ADGRE5: variants seen among roughly 807,000 people sequenced by gnomAD.
ADGRE5 encodes adhesion G protein-coupled receptor E5.
A neutral mutation model predicts 100.3 loss-of-function variants in ADGRE5; 72 were observed. That is an observed-to-expected ratio of 0.72 (90% CI 0.59 to 0.87). The LOEUF (loss-of-function observed/expected upper bound fraction) is 0.87, where lower values mean the gene tolerates loss of function less well. Among genes scored for constraint, ADGRE5 ranks in the 40% least tolerant of loss-of-function variants. ADGRE5 has a pLI of 0.00. For synonymous variants in ADGRE5, 439 were observed against 447.8 expected, an observed-to-expected ratio of 0.98 and a Z score of 0.25; for missense variants, 959 against 1,094.7, an observed-to-expected ratio of 0.88 and a Z score of 1.75.
At position 14,406,503 on chromosome 19, in the gene ADGRE5, T is replaced by C; in HGVS notation, c.1994T>C (p.Leu665Pro). The C allele has an allele frequency of 6.4e-7, 1 of 1,566,576 alleles. No individual in the cohort carries two copies. The highest frequency in any genetic ancestry group is 8.7e-7 in the Non-Finnish European group (1 of 1,155,842). ...CTGATCGGCTATGGCGTGCCCCTGC[T>C]CATCGTGGGCGTCTCGGCTGCCATC... ...LCLIGYGVPLLIVGVSAAIYS... is the reference protein window; with the variant it reads ...LCLIGYGVPLPIVGVSAAIYS... Residue 665 changes from leucine to proline, a missense_variant, in exon 15 of 20, where the codon CTC becomes CCC. By Grantham distance (98) the Leu-to-Pro change is moderately conservative. Transcript: ENST00000242786. The surrounding 1 kb of genome is among the most constrained non-coding windows in gnomAD (Gnocchi z 6.0).
In ADGRE5 at chr19:14,408,663, T is replaced by G; in HGVS notation, c.*542T>G. On this transcript the variant is annotated 3_prime_UTR_variant, in exon 20 of 20. Transcript: ENST00000242786. ...TGAAGGTTGTAGACGTTGTGTAATG[T>G]GTTTTTATCTGTTAAAATTTTTCAG... is the stretch of plus-strand genomic sequence containing the variant. 1 of 515,360 alleles carries G rather than the reference T, an allele frequency of 1.9e-6. No homozygotes were observed. Among genetic ancestry groups the G allele is most frequent in the Non-Finnish European group, 3.4e-6 (1 of 296,404 alleles). 31.9% of individuals were successfully genotyped at this position (515,360 alleles called of 1,614,324 possible).
intron 3 of ADGRE5, 97 bp from the exon 4 acceptor site, chr19:14,390,827 A>G (rs987872823): frequency 1.4e-6 from 2 of 1,466,972 alleles, no homozygotes; most frequent in Non-Finnish European, 9.3e-7. Context: ...AAAAGATACT[A>G]AGCAGCAGGC....
At chr19:14,397,988 G>T (rs1975848839) in intron 8 of ADGRE5, 53 bp downstream of exon 8, 1 of 1,506,392 alleles carries the variant, frequency 6.6e-7, no homozygotes, top group African/African-American at 1.4e-5. Flanking sequence ...ACACAGCACT[G>T]CATCCGTCTC....
intron 9 of ADGRE5, among the ~76,000 whole-genome samples, chr19:14,400,083 G>A (rs531875134): frequency 1.3e-5 from 2 of 151,526 alleles, no homozygotes; most frequent in East Asian, 2.0e-4. Flanking sequence ...GCAGTGGCAC[G>A]ATCTCGGCTC....
intron 1 of ADGRE5, among the ~76,000 whole-genome samples, chr19:14,382,404 C>T (rs1273730118): frequency 6.6e-6 from 1 of 152,158 alleles, no homozygotes; most frequent in Non-Finnish European, 1.5e-5. Flanking sequence ...GGTTCCACGC[C>T]CTGGCTGTCT....
rs1976024894 is a variant in ADGRE5 at position 14,401,818 on chromosome 19, G to C, written c.1183+58G>C. 8.2e-7 allele frequency: 1 copy of C among 1,214,274 alleles called. No homozygotes were observed. Among genetic ancestry groups the C allele is most frequent in the Admixed American group, 2.6e-5 (1 of 38,268 alleles). The allele number at this position is 1,214,274 out of a possible 1,614,324, so 75.2% of individuals were successfully genotyped here. A position where few individuals can be genotyped will look rare whatever the true frequency, so the allele number is the denominator to read the frequency against. On this transcript the variant is annotated intron_variant, in intron 11 of 19. Coordinates refer to ENST00000242786, the MANE Select transcript of ADGRE5 (RefSeq NM_078481.4). This position sits in a 1 kb window ranked among gnomAD's most constrained non-coding sequence, Gnocchi z 4.1. ...GGAGAGAGATGGAGGTGCTGGGATGGGGCCAGGGTGAGGTTCAGAATAGAA... is the reference window on the plus strand; with the variant it reads ...GGAGAGAGATGGAGGTGCTGGGATGCGGCCAGGGTGAGGTTCAGAATAGAA...
At chr19:14,398,466 G>C (rs993657312) in intron 9 of ADGRE5, 15 of 285,714 alleles carry the variant, frequency 5.3e-5, no homozygotes, top group Non-Finnish European at 8.2e-5. Flanking sequence ...TCAGGAGATC[G>C]AGACCATTCT....
chr19:14,391,570 C>CAA (rs59428437), intron 4 of ADGRE5: 62 of 144,428 alleles, frequency 4.3e-4, no homozygotes, highest in Admixed American at 2.2e-3. Context: ...CAAAAAATAC[C>CAA]AAAAAAAAAA....
At chr19:14,391,195 G>C in intron 4 of ADGRE5, 116 bp downstream of exon 4, 1 of 1,352,174 alleles carries the variant, frequency 7.4e-7, no homozygotes, top group Non-Finnish European at 1.0e-6. Context: ...CCTGGCGTCT[G>C]AGATGGGACA....
intron 3 of ADGRE5, among the ~76,000 whole-genome samples, chr19:14,389,219 A>AGGGGG: frequency 1.2e-4 from 1 of 8,538 alleles, no homozygotes; most frequent in Admixed American, 1.1e-3. Context: ...GGGAGGGAGA[A>AGGGGG]GGGGAGGGGA....
At chr19:14,394,942 G>A (rs889435451) in intron 4 of ADGRE5, among the ~76,000 whole-genome samples, 1 of 152,120 alleles carries the variant, frequency 6.6e-6, no homozygotes, top group South Asian at 2.1e-4. Flanking sequence ...TGAACGCACC[G>A]TCAATGACCA....
intron 11 of ADGRE5, among the ~76,000 whole-genome samples, chr19:14,402,087 C>T (rs1234495024): frequency 1.3e-5 from 2 of 151,280 alleles, no homozygotes; most frequent in African/African-American, 4.9e-5. Flanking sequence ...GCTATGATCA[C>T]GCCAAAGCAC....
Position 14,408,140 on chromosome 19 carries a change from G to C in ADGRE5, c.*19G>C. 1 of 1,612,040 alleles carries C rather than the reference G, an allele frequency of 6.2e-7. No individual in the cohort carries two copies. Among genetic ancestry groups the C allele is most frequent in the Non-Finnish European group, 8.5e-7 (1 of 1,179,728 alleles). On this transcript the variant is annotated 3_prime_UTR_variant, in exon 20 of 20. Coordinates refer to ENST00000242786, the MANE Select transcript of ADGRE5 (RefSeq NM_078481.4). ...CATATGAAGGCGCATGGTTCTGGAC[G>C]GCCCAGCAGCTCCTGTGGCCACAGC... is the stretch of plus-strand genomic sequence containing the variant.
In ADGRE5 at chr19:14,406,062, G is replaced by C. The variant is rs1248309238; in HGVS notation, c.1821+123G>C. ...CCTGGAGGCATGAGGCCCCGCCCCT[G>C]TCCGGGATCTGGCCCCGCCCACCGG... On this transcript the variant is annotated intron_variant, in intron 14 of 19. Coordinates refer to ENST00000242786, the MANE Select transcript of ADGRE5 (RefSeq NM_078481.4). This position sits in a 1 kb window ranked among gnomAD's most constrained non-coding sequence, Gnocchi z 6.0. The C allele has an allele frequency of 1.1e-6, 1 of 871,198 alleles. No individual in the cohort carries two copies. Among genetic ancestry groups the C allele is most frequent in the South Asian group, 1.7e-5 (1 of 57,190 alleles). 54.0% of individuals were successfully genotyped at this position (871,198 alleles called of 1,614,324 possible). A position where few individuals can be genotyped will look rare whatever the true frequency, so the allele number is the denominator to read the frequency against.
At position 14,404,401 on chromosome 19, in the gene ADGRE5, C is replaced by T. The variant is rs142898808; in HGVS notation, c.1468C>T (p.Arg490Trp). Reference sequence around the variant, plus strand: ...CCCACAGGACGTGATGCCTGGGCCACGGCAGGAGCTGCTCTGTGCCTTCTG... The same window carrying T: ...CCCACAGGACGTGATGCCTGGGCCATGGCAGGAGCTGCTCTGTGCCTTCTG... ...PPAKDVMPGPRQELLCAFWKS... is the reference protein window; with the variant it reads ...PPAKDVMPGPWQELLCAFWKS... Residue 490 changes from arginine to tryptophan, a missense_variant, in exon 13 of 20, where the codon CGG (arginine) becomes TGG (tryptophan). Physicochemically the swap from Arg to Trp is moderately radical, Grantham distance 101. Transcript: ENST00000242786. 1.2e-4 allele frequency: 186 copies of T among 1,610,050 alleles called. No individual in the cohort carries two copies. The highest frequency in any genetic ancestry group is 6.7e-4 in the South Asian group (61 of 90,942).
chr19:14,406,438 C>A lies in ADGRE5; in HGVS notation c.1929C>A (p.Arg643=). The A allele has an allele frequency of 6.3e-7, 1 of 1,586,050 alleles. No homozygotes were observed. The highest frequency in any genetic ancestry group is 8.6e-7 in the Non-Finnish European group (1 of 1,166,520). The stretch of plus-strand genomic sequence containing the variant: ...TGGAGCTCTACTTTCTTGTGGTGCG[C>A]GTGTTCCAAGGCCAGGGCCTGAGTA... The part of the protein sequence containing the change: ...EGLELYFLVV[R]VFQGQGLSTR... The change falls in exon 15 of 20, where the codon CGC becomes CGA. Residue 643 remains arginine, a synonymous_variant. Transcript: ENST00000242786. The surrounding 1 kb of genome is among the most constrained non-coding windows in gnomAD (Gnocchi z 6.0).
At chr19:14,385,728 A>C (rs1468140027) in intron 1 of ADGRE5, among the ~76,000 whole-genome samples, 1 of 149,618 alleles carries the variant, frequency 6.7e-6, no homozygotes, top group Non-Finnish European at 1.5e-5. Flanking sequence ...GGAAGCGTGG[A>C]GGTCCAGGGC....
rs1254721326 is a variant in ADGRE5, at chr19:14,407,197, C to T, written c.2344C>T (p.Leu782Phe). Residue 782 changes from leucine (L) to phenylalanine (F), a missense_variant, in exon 18 of 20, where the codon CTC becomes TTC. By Grantham distance (22) the Leu-to-Phe change is conservative (BLOSUM62 0). Transcript: ENST00000242786. Reference protein sequence around the residue: ...TILNCLQGAFLYLLHCLLNKK... With the variant: ...TILNCLQGAFFYLLHCLLNKK... The stretch of plus-strand genomic sequence containing the variant: ...CCTCAACTGCCTGCAGGGCGCCTTC[C>T]TCTACCTGCTGCACTGCCTGCTCAA... 7 of 1,614,102 alleles carry T rather than the reference C, an allele frequency of 4.3e-6. No homozygotes were observed. Among genetic ancestry groups the T allele is most frequent in the South Asian group, 3.3e-5 (3 of 91,088 alleles).
chr19:14,385,224 C>A (rs1440936876), intron 1 of ADGRE5, among the ~76,000 whole-genome samples: 3 of 151,778 alleles, frequency 2.0e-5, no homozygotes, highest in Admixed American at 2.0e-4. Context: ...GTTGGCCAGG[C>A]TGGTCTCACA....
Sources: allele counts gnomAD v4.1 joint callset (sites outside exome capture counted in the v4.1 genomes callset), GRCh38; gene constraint gnomAD v4.1.1; non-coding constraint Gnocchi (gnomAD v3.1); transcripts MANE v1.5; gene names NCBI Gene and HGNC (gene_info 2026-07-23, HGNC 2026-07-21).